The following SLC18A2 variants were observed in gnomAD, a reference collection of about 807,000 sequenced individuals.
SLC18A2 encodes solute carrier family 18 member A2, also known as synaptic vesicular amine transporter.
In SLC18A2, 33 loss-of-function variants were observed where a neutral mutation model predicts 59.2. That is an observed-to-expected ratio of 0.56 (90% confidence interval 0.42 to 0.75). The LOEUF is 0.75. Among genes scored for constraint, SLC18A2 ranks in the 30% least tolerant of loss-of-function variants. The pLI, the probability that SLC18A2 is intolerant of heterozygous loss-of-function variation, is 0.00. For synonymous variants in SLC18A2, 228 were observed against 253.5 expected (o/e 0.90, Z 0.95); for missense variants, 569 against 668.6 (o/e 0.85, Z 1.64).
At position 117,255,615 on chromosome 10, in the gene SLC18A2, CT is replaced by C; in HGVS notation, c.854del (p.Leu285GlnfsTer5). On this transcript the variant is annotated frameshift_variant, in exon 9 of 16. Transcript: ENST00000644641. LOFTEE classifies it high-confidence loss of function. ...VQPESQKGTP[L>X]TTLLKDPYIL... is the part of the protein sequence containing the mutation. ...TTGACAGAGTCAGAAGGGGACACCC[CT>C]AACCACGCTGCTGAAGGACCCGTAC... The C allele has an allele frequency of 6.2e-7, 1 of 1,614,026 alleles. No homozygotes were observed. Among genetic ancestry groups the C allele is most frequent in the Non-Finnish European group, 8.5e-7 (1 of 1,180,016 alleles).
At position 117,269,041 on chromosome 10, in the gene SLC18A2, C is replaced by T. The variant is rs941722385; in HGVS notation, c.1187-1030C>T. Among the ~76,000 whole-genome samples, 2 of 147,596 alleles carry T rather than the reference C, an allele frequency of 1.4e-5. No homozygotes were observed. The highest frequency in any genetic ancestry group is 4.9e-5 in the African/African-American group (2 of 40,762). ...ACACACGCATACACACACACATACA[C>T]ACATACACCCCCCACATAAACACAT... On this transcript the variant is annotated intron_variant, in intron 13 of 15. Coordinates refer to ENST00000644641, the MANE Select transcript of SLC18A2 (RefSeq NM_003054.6). This position sits in a 1 kb window ranked among gnomAD's most constrained non-coding sequence, Gnocchi z 5.1.
intron 7 of SLC18A2, 53 bp downstream of exon 7, chr10:117,255,419 G>A (rs1457315462): frequency 9.9e-6 from 16 of 1,613,834 alleles, no homozygotes; most frequent in African/African-American, 4.0e-5. Flanking sequence ...GTGCTGGCAC[G>A]CGCTTGGGCC....
intron 3 of SLC18A2, among the ~76,000 whole-genome samples, chr10:117,247,279 T>A (rs1844119337): frequency 6.6e-6 from 1 of 152,182 alleles, no homozygotes; most frequent in Admixed American, 6.5e-5. Context: ...GGTTAATATG[T>A]TTCTGATTAA....
At chr10:117,260,701 C>G (rs991468503) in intron 10 of SLC18A2, among the ~76,000 whole-genome samples, 2 of 151,894 alleles carry the variant, frequency 1.3e-5, no homozygotes, top group Admixed American at 1.3e-4. Flanking sequence ...TCAGTCAGTC[C>G]CTATTATTGG....
At chr10:117,257,648 C>G in intron 9 of SLC18A2, 149 bp from the exon 10 acceptor site, 3 of 445,618 alleles carry the variant, frequency 6.7e-6, no homozygotes, top group Non-Finnish European at 1.2e-5. Flanking sequence ...TGATAAACAG[C>G]CTTTGCTGTC....
chr10:117,251,468 A>G (rs553754115), intron 3 of SLC18A2, among the ~76,000 whole-genome samples: 1 of 152,228 alleles, frequency 6.6e-6, no homozygotes, highest in East Asian at 1.9e-4. Flanking sequence ...GCAGGTCAGA[A>G]TCCTGGCATC....
Position 117,254,509 on chromosome 10 carries a change from C to T in SLC18A2, c.700+12C>T. ...CATGGGGGTCTTAGGTGGGTAAGGC[C>T]CCCGTGTAGGCAAACTGGCAAGAGG... On this transcript the variant is annotated intron_variant, in intron 6 of 15. Transcript: ENST00000644641. 6.3e-7 allele frequency: 1 copy of T among 1,581,922 alleles called. No homozygotes were observed. The highest frequency in any genetic ancestry group is 1.4e-5 in the African/African-American group (1 of 74,006).
intron 3 of SLC18A2, among the ~76,000 whole-genome samples, chr10:117,247,553 G>T (rs182242679): frequency 6.6e-6 from 1 of 152,326 alleles, no homozygotes. Flanking sequence ...CTCAAAATCT[G>T]TCTTTCTTGC....
intron 10 of SLC18A2, among the ~76,000 whole-genome samples, 156 bp from the exon 11 acceptor site, chr10:117,266,577 C>T (rs866612958): frequency 6.6e-6 from 1 of 152,240 alleles, no homozygotes; most frequent in Non-Finnish European, 1.5e-5. Flanking sequence ...GGGTCCAGAC[C>T]GGATCCGGCA....
At chr10:117,242,401 G>A (rs915339890) in intron 2 of SLC18A2, among the ~76,000 whole-genome samples, 3 of 151,714 alleles carry the variant, frequency 2.0e-5, no homozygotes, top group Non-Finnish European at 4.4e-5. Flanking sequence ...CCCTTAATTA[G>A]GCCCATTAAC....
rs537533162 is a variant in SLC18A2, at chr10:117,263,986, G to A, written c.992-2747G>A. ...ATTGCCCCTATTCTGGTTCTAGGCC[G>A]AGCCCTTGGCCTTCAGGGAGGGGTC... On this transcript the variant is annotated intron_variant, in intron 10 of 15. Transcript: ENST00000644641. Among the ~76,000 whole-genome samples, 23 of 152,266 alleles carry A rather than the reference G, an allele frequency of 1.5e-4. No homozygotes were observed. The South Asian group carries it at 1.7e-3, about 11-fold the overall frequency.
In SLC18A2 at chr10:117,268,190, T is replaced by A. The variant is rs148271719; in HGVS notation, c.1186+454T>A. 5.8e-4 allele frequency: 91 copies of A among 156,402 alleles called. No individual in the cohort carries two copies. In the East Asian group the frequency reaches 0.014, roughly 24 times the overall value. 9.7% of individuals were successfully genotyped at this position (156,402 alleles called of 1,614,324 possible). A position where few individuals can be genotyped will look rare whatever the true frequency, so the allele number is the denominator to read the frequency against. The stretch of plus-strand genomic sequence containing the variant: ...TCCCATGGGCAAGGAGATGGGCTTT[T>A]GTAATGTTAAGAATGATAATATGTT... On this transcript the variant is annotated intron_variant, in intron 13 of 15. Transcript: ENST00000644641.
chr10:117,252,105 T>C (rs982945618), intron 3 of SLC18A2, among the ~76,000 whole-genome samples: 4 of 150,086 alleles, frequency 2.7e-5, no homozygotes, highest in African/African-American at 4.9e-5. Context: ...ATTACAGGTG[T>C]GCACTACTAT....
Position 117,254,190 on chromosome 10 carries a change from C to T in SLC18A2, c.607+59C>T, listed in dbSNP as rs932192921. The T allele has an allele frequency of 5.2e-6, 8 of 1,526,360 alleles. No homozygotes were observed. The African/African-American group carries it at 9.6e-5, about 18-fold the overall frequency. 94.6% of individuals were successfully genotyped at this position (1,526,360 alleles called of 1,614,324 possible). ...GGCCCCTTGCAGAGTGAGCTGGACT[C>T]ATTCAGGGAATTCAGGTATTGGTGG... On this transcript the variant is annotated intron_variant, in intron 5 of 15. Transcript: ENST00000644641.
chr10:117,275,131 G>A (rs1054129189), intron 15 of SLC18A2, among the ~76,000 whole-genome samples: 1 of 152,158 alleles, frequency 6.6e-6, no homozygotes, highest in African/African-American at 2.4e-5. Context: ...AACGGTCCTG[G>A]TGTACAAAGT....
chr10:117,261,225 A>AAAACAAAACAAAACAAAACAAAACAAAAC (rs71301596), intron 10 of SLC18A2, among the ~76,000 whole-genome samples: 3 of 150,796 alleles, frequency 2.0e-5, no homozygotes, highest in African/African-American at 7.4e-5. Flanking sequence ...CAAAACAAAA[A>AAAACAAAACAAAACAAAACAAAACAAAAC]ACCCAAAAAC....
chr10:117,242,886 C>A (rs1844071470), intron 2 of SLC18A2, among the ~76,000 whole-genome samples: 1 of 152,098 alleles, frequency 6.6e-6, no homozygotes, highest in Non-Finnish European at 1.5e-5. Context: ...CATGCCCCAC[C>A]AAAGCTGGCT....
chr10:117,261,253 C>T (rs1844291340), intron 10 of SLC18A2, among the ~76,000 whole-genome samples: 1 of 150,970 alleles, frequency 6.6e-6, no homozygotes, highest in Non-Finnish European at 1.5e-5. Context: ...AAAAAATTAG[C>T]CAGGAGTAGT....
chr10:117,273,035 C>CTT (rs1000200381), intron 15 of SLC18A2, among the ~76,000 whole-genome samples: 31 of 152,342 alleles, frequency 2.0e-4, no homozygotes, highest in African/African-American at 7.5e-4. Context: ...GCATACGACC[C>CTT]TTAGCAAATC....
Sources: allele counts gnomAD v4.1 joint callset (sites outside exome capture counted in the v4.1 genomes callset), GRCh38; gene constraint gnomAD v4.1.1; non-coding constraint Gnocchi (gnomAD v3.1); transcripts MANE v1.5; gene names NCBI Gene and HGNC (gene_info 2026-07-23, HGNC 2026-07-21).